ITGB6: variants seen among roughly 807,000 people sequenced by gnomAD.
The protein encoded by ITGB6 is integrin beta-6.
In ITGB6, 80 loss-of-function variants were observed where a neutral mutation model predicts 84.5. The observed-to-expected ratio is 0.95, with a 90% CI of 0.79 to 1.14. The LOEUF is 1.14. ITGB6 is among the 50% of genes most tolerant of loss of function. The pLI is 0.00. For synonymous variants in ITGB6, 383 were observed against 354.9 expected (o/e 1.08, Z -0.89); for missense variants, 1,006 against 968.0 (o/e 1.04, Z -0.52).
chr2:160,100,922 G>A lies in ITGB6; in HGVS notation c.*814C>T, dbSNP rs1364869464. 1 of 151,986 alleles carries A rather than the reference G, an allele frequency of 6.6e-6. No individual in the cohort carries two copies. Among genetic ancestry groups the A allele is most frequent in the Non-Finnish European group, 1.5e-5 (1 of 67,976 alleles). 9.4% of individuals were successfully genotyped at this position (151,986 alleles called of 1,614,324 possible). ...AGAAACTTTGGTATGACAATTACAG[G>A]GTTTAAAAGACTGTGCAACTGAGTG... On this transcript the variant is annotated 3_prime_UTR_variant, in exon 15 of 15. Transcript: ENST00000283249.
At chr2:160,179,318 A>G (rs1199488114) in intron 4 of ITGB6, among the ~76,000 whole-genome samples, 1 of 151,596 alleles carries the variant, frequency 6.6e-6, no homozygotes. Flanking sequence ...TATATACCAT[A>G]TACTCATATA....
intron 7 of ITGB6, among the ~76,000 whole-genome samples, chr2:160,142,963 C>T (rs1261220806): frequency 6.6e-6 from 1 of 152,174 alleles, no homozygotes; most frequent in Non-Finnish European, 1.5e-5. Flanking sequence ...TTGGCCTTTG[C>T]TTGAAGGAAT....
chr2:160,127,844 G>A (rs1255822100), intron 10 of ITGB6, among the ~76,000 whole-genome samples: 1 of 152,160 alleles, frequency 6.6e-6, no homozygotes, highest in Non-Finnish European at 1.5e-5. Context: ...AATGATGCAA[G>A]ACAGACCTGG....
intron 10 of ITGB6, among the ~76,000 whole-genome samples, chr2:160,132,944 A>T (rs1225083401): frequency 6.6e-6 from 1 of 152,098 alleles, no homozygotes; most frequent in African/African-American, 2.4e-5. Context: ...TCAGTGCCTA[A>T]CCTAGTATGT....
intron 8 of ITGB6, among the ~76,000 whole-genome samples, chr2:160,138,899 T>A (rs1683878940): frequency 6.6e-6 from 1 of 152,156 alleles, no homozygotes; most frequent in African/African-American, 2.4e-5. Context: ...TTGAAGTGAG[T>A]ACAATCACAA....
intron 1 of ITGB6, among the ~76,000 whole-genome samples, chr2:160,199,753 G>A (rs1221412489): frequency 1.3e-5 from 2 of 152,140 alleles, no homozygotes; most frequent in African/African-American, 2.4e-5. Flanking sequence ...AGTTCCATTG[G>A]GCAGTAATGT....
At chr2:160,179,498 A>C (rs1338338044) in intron 4 of ITGB6, among the ~76,000 whole-genome samples, 1 of 146,712 alleles carries the variant, frequency 6.8e-6, no homozygotes, top group Non-Finnish European at 1.5e-5. Context: ...CTCCTGCCTC[A>C]GCCTCCCGAG....
At chr2:160,178,042 G>A (rs1451091277) in intron 4 of ITGB6, among the ~76,000 whole-genome samples, 1 of 152,008 alleles carries the variant, frequency 6.6e-6, no homozygotes, top group Non-Finnish European at 1.5e-5. Flanking sequence ...GCCCAGCTAA[G>A]TTTTGTATTT....
At chr2:160,116,646 C>G (rs1290929761) in intron 12 of ITGB6, among the ~76,000 whole-genome samples, 1 of 152,076 alleles carries the variant, frequency 6.6e-6, no homozygotes, top group East Asian at 1.9e-4. Context: ...ATGACAGGAC[C>G]AAATTCACAC....
chr2:160,147,463 G>A (rs1444927391), intron 7 of ITGB6, among the ~76,000 whole-genome samples: 2 of 152,144 alleles, frequency 1.3e-5, no homozygotes, highest in African/African-American at 4.8e-5. Context: ...AAATTATTTT[G>A]TGGATATGAA....
intron 4 of ITGB6, among the ~76,000 whole-genome samples, chr2:160,184,561 C>T (rs1254870266): frequency 1.3e-5 from 2 of 152,158 alleles, no homozygotes; most frequent in Non-Finnish European, 2.9e-5. Flanking sequence ...CAAAGAGGAG[C>T]TGGTACCATT....
intron 7 of ITGB6, among the ~76,000 whole-genome samples, chr2:160,165,139 T>C (rs1684957908): frequency 6.6e-6 from 1 of 152,212 alleles, no homozygotes; most frequent in Non-Finnish European, 1.5e-5. Flanking sequence ...CCTAGATGAT[T>C]TTATTTTTAC....
chr2:160,155,051 C>T (rs1250671814), intron 7 of ITGB6, among the ~76,000 whole-genome samples: 5 of 152,200 alleles, frequency 3.3e-5, no homozygotes, highest in Non-Finnish European at 7.3e-5. Flanking sequence ...TCCTCCTTCT[C>T]CGCGCCTGCT....
intron 4 of ITGB6, among the ~76,000 whole-genome samples, chr2:160,188,832 C>T (rs1686016241): frequency 6.6e-6 from 1 of 152,018 alleles, no homozygotes; most frequent in Non-Finnish European, 1.5e-5. Flanking sequence ...TCTCAAACTC[C>T]TGAACTCATG....
intron 12 of ITGB6, among the ~76,000 whole-genome samples, chr2:160,113,191 GC>G (rs1418487666): frequency 6.6e-6 from 1 of 152,148 alleles, no homozygotes; most frequent in Non-Finnish European, 1.5e-5. Flanking sequence ...AACTGGGGCT[GC>G]CCCTGATAAT....
At chr2:160,159,865 G>T (rs1257346444) in intron 7 of ITGB6, among the ~76,000 whole-genome samples, 1 of 152,018 alleles carries the variant, frequency 6.6e-6, no homozygotes. Flanking sequence ...ACTATTAAAA[G>T]TTGTAATTGG....
At chr2:160,127,848 G>A (rs1683298202) in intron 10 of ITGB6, among the ~76,000 whole-genome samples, 1 of 152,140 alleles carries the variant, frequency 6.6e-6, no homozygotes, top group Non-Finnish European at 1.5e-5. Flanking sequence ...ATGCAAGACA[G>A]ACCTGGATTA....
intron 10 of ITGB6, among the ~76,000 whole-genome samples, chr2:160,131,304 G>GA (rs1364226030): frequency 2.6e-5 from 4 of 152,124 alleles, no homozygotes; most frequent in African/African-American, 4.8e-5. Flanking sequence ...TTTGGGCAAG[G>GA]AAAAAATCAA....
chr2:160,162,472 A>G (rs1684857375), intron 7 of ITGB6, among the ~76,000 whole-genome samples: 1 of 152,176 alleles, frequency 6.6e-6, no homozygotes, highest in Admixed American at 6.5e-5. Flanking sequence ...CCTCTGTAGA[A>G]GGACAGGGGA....
Sources: allele counts gnomAD v4.1 joint callset (sites outside exome capture counted in the v4.1 genomes callset), GRCh38; gene constraint gnomAD v4.1.1; transcripts MANE v1.5; gene names NCBI Gene and HGNC (gene_info 2026-07-23, HGNC 2026-07-21).